ASB15: variants seen among roughly 807,000 people sequenced by gnomAD.
ASB15 encodes ankyrin repeat and SOCS box protein 15.
A neutral mutation model predicts 58.0 loss-of-function variants in ASB15; 54 were observed. The ratio of observed to expected loss-of-function variants is 0.93; its 90% CI spans 0.75 to 1.17. ASB15 has a LOEUF of 1.17. Among genes scored for constraint, ASB15 ranks in the 50% most tolerant of loss-of-function variants. The pLI, the probability that ASB15 is intolerant of heterozygous loss-of-function variation, is 0.00. For synonymous variants in ASB15, 249 were observed against 262.4 expected (o/e 0.95, Z 0.50); for missense variants, 680 against 707.4 (o/e 0.96, Z 0.44).
chr7:123,590,638 T>C (rs1799508990), intron 1 of ASB15, among the ~76,000 whole-genome samples: 1 of 152,116 alleles, frequency 6.6e-6, no homozygotes, highest in African/African-American at 2.4e-5. Flanking sequence ...TATAGATGTG[T>C]GGTGTTATTT....
At chr7:123,610,433 A>G (rs554076397) in intron 3 of ASB15, among the ~76,000 whole-genome samples, 11 of 152,358 alleles carry the variant, frequency 7.2e-5, no homozygotes, top group African/African-American at 2.6e-4. Context: ...CATGATCACC[A>G]AAGTTCCCTT....
intron 1 of ASB15, among the ~76,000 whole-genome samples, chr7:123,591,608 T>G (rs1322931916): frequency 1.3e-5 from 2 of 152,314 alleles, no homozygotes; most frequent in African/African-American, 2.4e-5. Context: ...CATTTATTGA[T>G]TTGTGTATAA....
At chr7:123,585,808 A>G (rs921380170) in intron 1 of ASB15, among the ~76,000 whole-genome samples, 3 of 151,836 alleles carry the variant, frequency 2.0e-5, no homozygotes, top group Non-Finnish European at 4.4e-5. Context: ...TAGATTCCAC[A>G]TATAAGAGAT....
rs566598120 is a variant in ASB15, at chr7:123,589,232, T to C, written c.-442-14800T>C. Among the ~76,000 whole-genome samples the C allele has an allele frequency of 4.3e-4, 65 of 151,820 alleles. No homozygotes were observed. The South Asian group carries it at 0.013, about 31-fold the overall frequency. On this transcript the variant is annotated intron_variant, in intron 1 of 13. Coordinates refer to the ASB15 transcript ENST00000451558. ...TAGGTGCTCTGATGTTGGGTGCACA[T>C]ATAATTACAATTGTTATTTTCTCTT...
At position 123,638,811 on chromosome 7, in the gene ASB15, C is replaced by T. The variant is rs1011943199; in HGVS notation, c.*1830C>T. 6.6e-6 allele frequency: 1 copy of T among 152,188 alleles called. No individual in the cohort carries two copies. The highest frequency in any genetic ancestry group is 1.5e-5 in the Non-Finnish European group (1 of 68,066). 9.4% of individuals were successfully genotyped at this position (152,188 alleles called of 1,614,324 possible). A position where few individuals can be genotyped will look rare whatever the true frequency, so the allele number is the denominator to read the frequency against. On this transcript the variant is annotated 3_prime_UTR_variant, in exon 12 of 12. Coordinates refer to ENST00000451215, the MANE Select transcript of ASB15 (RefSeq NM_001290258.2). ...TGTTGCTTCCTCTAGGATGGGAAGC[C>T]TCAGCACAGAACTTGTCATGCCATA...
chr7:123,605,055 G>A (rs535417454), intron 2 of ASB15, among the ~76,000 whole-genome samples: 1 of 152,076 alleles, frequency 6.6e-6, no homozygotes, highest in South Asian at 2.1e-4. Context: ...AAAAAATGCA[G>A]TGACTCATTA....
At chr7:123,600,215 C>A (rs1799830175), upstream of ASB15, among the ~76,000 whole-genome samples, 1 of 152,100 alleles carries the variant, frequency 6.6e-6, no homozygotes, top group South Asian at 2.1e-4. Context: ...AGTGGTAAAG[C>A]AAGACGTGTT....
At chr7:123,630,992 A>C (rs1451564903) in intron 11 of ASB15, among the ~76,000 whole-genome samples, 1 of 152,216 alleles carries the variant, frequency 6.6e-6, no homozygotes. Flanking sequence ...GGGGTCAGAT[A>C]GACCTAGAAT....
At chr7:123,580,957 G>A (rs1186825592) in intron 1 of ASB15, among the ~76,000 whole-genome samples, 1 of 151,880 alleles carries the variant, frequency 6.6e-6, no homozygotes, top group East Asian at 1.9e-4. Flanking sequence ...TCTCAGCAAA[G>A]AGTTCAAAAT....
At chr7:123,598,232 G>A (rs965755225), upstream of ASB15, among the ~76,000 whole-genome samples, 11 of 152,060 alleles carry the variant, frequency 7.2e-5, no homozygotes, top group African/African-American at 2.4e-4. Flanking sequence ...TCCTGTATCT[G>A]TATAGGGATT....
Position 123,607,742 on chromosome 7 carries a change from C to T in ASB15, c.-63-852C>T, listed in dbSNP as rs537709169. 5.9e-5 allele frequency among the ~76,000 whole-genome samples: 9 copies of T among 152,286 alleles called. No individual in the cohort carries two copies. The East Asian group carries it at 9.6e-4, about 16-fold the overall frequency. On this transcript the variant is annotated intron_variant, in intron 2 of 11. Coordinates refer to ENST00000451215, the MANE Select transcript of ASB15 (RefSeq NM_001290258.2). The stretch of plus-strand genomic sequence containing the variant: ...GCTCAGGCAATCCACCTATCTCAGC[C>T]TCCCAAAGTCCTCGGATTACAGGCA...
rs12668049 is a variant in ASB15 at position 123,568,080 on chromosome 7, C to A, written c.-443+992C>A. ...ATGGGCTGAAATTCAAATAAAAGCGCCATTACCCAGTTTTATCTTAGTGGC... is the reference window on the plus strand; with the variant it reads ...ATGGGCTGAAATTCAAATAAAAGCGACATTACCCAGTTTTATCTTAGTGGC... On this transcript the variant is annotated intron_variant, in intron 1 of 13. Transcript: ENST00000451558. Among the ~76,000 whole-genome samples the A allele has an allele frequency of 2.6e-4, 40 of 152,190 alleles. No individual in the cohort carries two copies. The East Asian group carries it at 7.7e-3, about 29-fold the overall frequency.
intron 11 of ASB15, among the ~76,000 whole-genome samples, chr7:123,634,274 T>C (rs1226115502): frequency 6.6e-6 from 1 of 151,492 alleles, no homozygotes; most frequent in Non-Finnish European, 1.5e-5. Flanking sequence ...ATCATTCAGC[T>C]CCCACTTATA....
intron 11 of ASB15, among the ~76,000 whole-genome samples, chr7:123,633,628 T>C (rs2116678809): frequency 6.6e-6 from 1 of 152,222 alleles, no homozygotes. Context: ...TGTGTGTGTG[T>C]GTGTGCACGC....
intron 2 of ASB15, among the ~76,000 whole-genome samples, chr7:123,606,090 C>T (rs556274872): frequency 1.3e-5 from 2 of 152,154 alleles, no homozygotes; most frequent in African/African-American, 4.8e-5. Context: ...ACTCACCCTA[C>T]AACTCAATTG....
chr7:123,627,511 T>C lies in ASB15; in HGVS notation c.869+230T>C, dbSNP rs117975174. The stretch of plus-strand genomic sequence containing the variant: ...ATAGTACTTTTATAATGAAAAGAAA[T>C]TTTCTTTTAGAAGGAATTAAGGCAT... On this transcript the variant is annotated intron_variant, in intron 9 of 11. Coordinates refer to ENST00000451215, the MANE Select transcript of ASB15 (RefSeq NM_001290258.2). Among the ~76,000 whole-genome samples, 1,440 of 152,304 alleles carry C rather than the reference T, an allele frequency of 9.5e-3. 23 individuals carry two copies. The highest frequency in any genetic ancestry group is 0.01 in the Non-Finnish European group (711 of 68,026).
intron 1 of ASB15, among the ~76,000 whole-genome samples, chr7:123,583,406 T>C (rs1799288973): frequency 6.6e-6 from 1 of 151,766 alleles, no homozygotes; most frequent in Admixed American, 6.6e-5. Flanking sequence ...ATTTCTAAAC[T>C]CCTCCAAAAG....
chr7:123,572,051 G>A (rs1798921480), intron 1 of ASB15, among the ~76,000 whole-genome samples: 2 of 149,836 alleles, frequency 1.3e-5, no homozygotes, highest in South Asian at 4.3e-4. Flanking sequence ...GTTTCCCAAA[G>A]CACTGGGTTT....
rs531606359 is a variant in ASB15, at chr7:123,639,097, T to C, written c.*2116T>C. 417 of 152,372 alleles carry C rather than the reference T, an allele frequency of 2.7e-3. 1 individual carries two copies. The highest frequency in any genetic ancestry group is 9.7e-3 in the African/African-American group (402 of 41,590). 9.4% of individuals were successfully genotyped at this position (152,372 alleles called of 1,614,324 possible). A position where few individuals can be genotyped will look rare whatever the true frequency, so the allele number is the denominator to read the frequency against. ...TAATGCTATTATTCTTAGATTTTAA[T>C]AGTGTATTTTTCTTATATTTATTTT... is the stretch of plus-strand genomic sequence containing the variant. On this transcript the variant is annotated 3_prime_UTR_variant, in exon 12 of 12. Coordinates refer to ENST00000451215, the MANE Select transcript of ASB15 (RefSeq NM_001290258.2).
Sources: gnomAD v4.1 joint callset for allele counts (sites outside exome capture counted in the v4.1 genomes callset) on GRCh38, gnomAD v4.1.1 for gene constraint, MANE v1.5 for transcripts, NCBI Gene and HGNC (gene_info 2026-07-23, HGNC 2026-07-21) for gene names.